The following CAB39L variants were observed in gnomAD, a reference collection of about 807,000 sequenced individuals.
CAB39L encodes the protein calcium binding protein 39 like, also known as calcium-binding protein 39-like.
Under a neutral mutation model 39.1 loss-of-function variants are expected in CAB39L, and 23 were observed. The ratio of observed to expected loss-of-function variants is 0.59; its 90% CI spans 0.42 to 0.83. The LOEUF (loss-of-function observed/expected upper bound fraction) is 0.83, where lower values mean the gene tolerates loss of function less well. Ranked by LOEUF, CAB39L falls within the 40% of genes least tolerant of loss-of-function variation. The pLI is 0.00. For synonymous variants in CAB39L, 126 were observed against 137.2 expected (o/e 0.92, Z 0.57); for missense variants, 366 against 391.9 (o/e 0.93, Z 0.56).
rs111766986 is a variant in CAB39L at position 49,353,888 on chromosome 13, G to A, written c.396-2976C>T. On this transcript the variant is annotated intron_variant, in intron 6 of 10. Coordinates refer to ENST00000409308, the MANE Select transcript of CAB39L (RefSeq NM_001079670.3). Reference sequence around the variant, plus strand: ...CTGTCCCTACCCCAGTCTCCGAAGAGTGCCTATTATAATGTTTTTCACGAA... The same window carrying A: ...CTGTCCCTACCCCAGTCTCCGAAGAATGCCTATTATAATGTTTTTCACGAA... Among the ~76,000 whole-genome samples, 1,417 of 152,036 alleles carry A rather than the reference G, an allele frequency of 9.3e-3. 8 individuals carry two copies. Among genetic ancestry groups the A allele is most frequent in the South Asian group, 0.043 (206 of 4,804 alleles).
At chr13:49,353,775 G>A (rs1003913324) in intron 6 of CAB39L, among the ~76,000 whole-genome samples, 4 of 151,952 alleles carry the variant, frequency 2.6e-5, no homozygotes, top group African/African-American at 9.7e-5. Flanking sequence ...AATTGTTGGG[G>A]ATATGTTTTA....
chr13:49,429,192 C>T (rs1957284422), intron 3 of CAB39L, among the ~76,000 whole-genome samples: 1 of 152,158 alleles, frequency 6.6e-6, no homozygotes, highest in Non-Finnish European at 1.5e-5. Context: ...AACTCCCAGA[C>T]TAGAGTGATG....
chr13:49,363,043 C>T (rs530744238), intron 5 of CAB39L, among the ~76,000 whole-genome samples: 1 of 152,240 alleles, frequency 6.6e-6, no homozygotes, highest in East Asian at 1.9e-4. Context: ...CCCAGACAAA[C>T]AAAAGCTGAG....
chr13:49,390,338 C>T (rs1956461293), intron 3 of CAB39L, among the ~76,000 whole-genome samples: 1 of 152,104 alleles, frequency 6.6e-6, no homozygotes, highest in African/African-American at 2.4e-5. Flanking sequence ...CCTCGAACTC[C>T]TGACCTTAAG....
chr13:49,423,990 A>G (rs998415456), intron 3 of CAB39L, among the ~76,000 whole-genome samples: 4 of 152,350 alleles, frequency 2.6e-5, no homozygotes, highest in African/African-American at 9.6e-5. Flanking sequence ...AACAATAAAA[A>G]TCTCTAAAAA....
In CAB39L at chr13:49,350,754, G is replaced by A; in HGVS notation, c.554C>T (p.Ala185Val). Residue 185 changes from alanine (A) to valine (V), a missense_variant, in exon 7 of 11, where the codon GCT becomes GTT. By Grantham distance (64) the Ala-to-Val change is moderately conservative (BLOSUM62 0). Coordinates refer to ENST00000409308, the MANE Select transcript of CAB39L (RefSeq NM_001079670.3). ...STFDIASDAFATFKDLLTRHK... is the reference protein window; with the variant it reads ...STFDIASDAFVTFKDLLTRHK... ...GAAAAAAAAAATTACCTTGAAAGTA[G>A]CAAAGGCATCTGAAGCAATATCAAA... is the stretch of plus-strand genomic sequence containing the variant. 2 of 1,555,908 alleles carry A rather than the reference G, an allele frequency of 1.3e-6. No individual in the cohort carries two copies. Among genetic ancestry groups the A allele is most frequent in the Non-Finnish European group, 1.7e-6 (2 of 1,148,752 alleles).
At position 49,315,661 on chromosome 13, in the gene CAB39L, C is replaced by A. The variant is rs932433470; in HGVS notation, c.835-4668G>T. Reference sequence around the variant, plus strand: ...CAGCAGCGTGGGAGGCCAAGGCGGGCGGATCATGAAGTCAGGAGTTTGAGA... The same window carrying A: ...CAGCAGCGTGGGAGGCCAAGGCGGGAGGATCATGAAGTCAGGAGTTTGAGA... On this transcript the variant is annotated intron_variant, in intron 10 of 10. Coordinates refer to ENST00000409308, the MANE Select transcript of CAB39L (RefSeq NM_001079670.3). Among the ~76,000 whole-genome samples, 8 of 151,752 alleles carry A rather than the reference C, an allele frequency of 5.3e-5. No individual in the cohort carries two copies. In the South Asian group the frequency reaches 1.7e-3, roughly 32 times the overall value.
At chr13:49,438,786 T>G (rs1402254129) in intron 1 of CAB39L, among the ~76,000 whole-genome samples, 1 of 152,232 alleles carries the variant, frequency 6.6e-6, no homozygotes, top group Non-Finnish European at 1.5e-5. Context: ...TTCTCCAGGT[T>G]TACAGTATGC....
chr13:49,443,029 C>T (rs1409375340), intron 1 of CAB39L, among the ~76,000 whole-genome samples: 1 of 147,982 alleles, frequency 6.8e-6, no homozygotes, highest in Non-Finnish European at 1.5e-5. Context: ...GTCTTCAGAT[C>T]CAATACATTT....
At chr13:49,440,761 T>C (rs929689800) in intron 1 of CAB39L, among the ~76,000 whole-genome samples, 3 of 137,012 alleles carry the variant, frequency 2.2e-5, no homozygotes, top group African/African-American at 8.1e-5. Flanking sequence ...TGTGTGTGTA[T>C]GGCTATCGTA....
rs554988400 is a variant in CAB39L, at chr13:49,315,156, T to C, written c.835-4163A>G. 5.3e-5 allele frequency among the ~76,000 whole-genome samples: 8 copies of C among 152,336 alleles called. No individual in the cohort carries two copies. In the South Asian group the frequency reaches 1.5e-3, roughly 28 times the overall value. On this transcript the variant is annotated intron_variant, in intron 10 of 10. Coordinates refer to ENST00000409308, the MANE Select transcript of CAB39L (RefSeq NM_001079670.3). The stretch of plus-strand genomic sequence containing the variant: ...TATAAATTCTTCATGTTTCTGTTCT[T>C]TCCATCAAAGGTCATGGACTCACTC...
chr13:49,308,803 C>G lies in CAB39L; in HGVS notation c.*2011G>C, dbSNP rs369660027. On this transcript the variant is annotated 3_prime_UTR_variant, in exon 11 of 11. Transcript: ENST00000409308. ...TGCAAAGGGGGAGCTTCCTGCTCCC[C>G]CTTTCACATTAATAACTTACAAATT... 2.0e-4 allele frequency: 31 copies of G among 152,626 alleles called. No individual in the cohort carries two copies. The East Asian group carries it at 3.3e-3, about 16-fold the overall frequency. The allele number at this position is 152,626 out of a possible 1,614,324, so 9.5% of individuals were successfully genotyped here.
At chr13:49,339,426 T>C (rs1223662979) in intron 9 of CAB39L, among the ~76,000 whole-genome samples, 1 of 152,216 alleles carries the variant, frequency 6.6e-6, no homozygotes, top group African/African-American at 2.4e-5. Flanking sequence ...CCAAGATGCC[T>C]GGCCTCAGCA....
chr13:49,362,615 A>C (rs749882303), intron 5 of CAB39L, among the ~76,000 whole-genome samples: 31 of 152,032 alleles, frequency 2.0e-4, no homozygotes, highest in Non-Finnish European at 3.2e-4. Flanking sequence ...ATAGTCTAGA[A>C]AGGGCAAATC....
chr13:49,346,100 G>GATATATATATATAT lies in CAB39L; in HGVS notation c.565-1876_565-1863dup, dbSNP rs370368670. ...GATATATATATATATATATATGCTA[G>GATATATATATATAT]ATATATATATATATATATATATATC... is the stretch of plus-strand genomic sequence containing the variant. On this transcript the variant is annotated intron_variant, in intron 7 of 10. Coordinates refer to ENST00000409308, the MANE Select transcript of CAB39L (RefSeq NM_001079670.3). Among the ~76,000 whole-genome samples the GATATATATATATAT allele has an allele frequency of 5.7e-3, 177 of 30,870 alleles. 14 individuals carry two copies. The highest frequency in any genetic ancestry group is 0.026 in the East Asian group (16 of 620). The allele number at this position is 30,870 out of a possible 152,430, so 20.3% of individuals were successfully genotyped here.
At chr13:49,373,714 T>G (rs991436387) in intron 5 of CAB39L, among the ~76,000 whole-genome samples, 1 of 152,194 alleles carries the variant, frequency 6.6e-6, no homozygotes, top group Non-Finnish European at 1.5e-5. Flanking sequence ...ATTCACAAAT[T>G]AACATGCCAC....
At chr13:49,432,944 G>A (rs183777046) in intron 3 of CAB39L, among the ~76,000 whole-genome samples, 13 of 152,266 alleles carry the variant, frequency 8.5e-5, no homozygotes, top group African/African-American at 2.9e-4. Flanking sequence ...AAGCTTCAAT[G>A]CCAACAGAAA....
At chr13:49,434,658 C>A (rs1025886862) in intron 1 of CAB39L, among the ~76,000 whole-genome samples, 60 of 151,886 alleles carry the variant, frequency 4.0e-4, no homozygotes, top group African/African-American at 1.4e-3. Flanking sequence ...GAGTTTGGGA[C>A]CAGCCTGAGC....
At position 49,369,885 on chromosome 13, in the gene CAB39L, C is replaced by T. The variant is rs763381993; in HGVS notation, c.276+7082G>A. ...ACAGGCGTGAGCCACCGTGCCCAGC[C>T]GGCATAGGAGAATTTTTTAGGGTGA... On this transcript the variant is annotated intron_variant, in intron 5 of 10. Coordinates refer to ENST00000409308, the MANE Select transcript of CAB39L (RefSeq NM_001079670.3). Among the ~76,000 whole-genome samples, 40 of 146,776 alleles carry T rather than the reference C, an allele frequency of 2.7e-4. No individual in the cohort carries two copies. The Middle Eastern group carries it at 0.01, about 37-fold the overall frequency.
Sources: gnomAD v4.1 joint callset for allele counts (sites outside exome capture counted in the v4.1 genomes callset) on GRCh38, gnomAD v4.1.1 for gene constraint, MANE v1.5 for transcripts, NCBI Gene and HGNC (gene_info 2026-07-23, HGNC 2026-07-21) for gene names.